The following DORIP1 variants were observed in gnomAD, a reference collection of about 807,000 sequenced individuals.
The protein encoded by DORIP1 is dopamine receptor interacting protein 1, also known as dopamine receptor-interacting protein 1.
the DORIP1 span, among the ~76,000 whole-genome samples, chr14:44,898,234 C>G: frequency 6.6e-6 from 1 of 152,234 alleles, no homozygotes; most frequent in East Asian, 1.9e-4. Flanking sequence ...CCCCACCCCT[C>G]ATTTTTATTG....
At chr14:44,902,497 T>C in the DORIP1 span, among the ~76,000 whole-genome samples, 1 of 151,888 alleles carries the variant, frequency 6.6e-6, no homozygotes, top group Non-Finnish European at 1.5e-5. Flanking sequence ...CCCGGCTAAT[T>C]TTTGTATTTT....
the DORIP1 span, among the ~76,000 whole-genome samples, chr14:44,901,437 C>T: frequency 6.6e-6 from 1 of 152,182 alleles, no homozygotes; most frequent in Non-Finnish European, 1.5e-5. Flanking sequence ...TTCTGCAGGT[C>T]CCCTGAAAAC....
At chr14:44,902,984 T>G in the DORIP1 span, among the ~76,000 whole-genome samples, 1 of 152,186 alleles carries the variant, frequency 6.6e-6, no homozygotes, top group Non-Finnish European at 1.5e-5. Flanking sequence ...ACTGGATATA[T>G]CAGGATTGTT....
At chr14:44,904,354 G>C in the DORIP1 span, 1 of 1,580,334 alleles carries the variant, frequency 6.3e-7, no homozygotes, top group Admixed American at 1.9e-5. Flanking sequence ...AGCCAGCTTT[G>C]TCCCAAGTGT....
chr14:44,902,156 T>C, the DORIP1 span, among the ~76,000 whole-genome samples: 1 of 152,112 alleles, frequency 6.6e-6, no homozygotes, highest in East Asian at 1.9e-4. Flanking sequence ...TATCAATCAA[T>C]GGAAATAATT....
the DORIP1 span, chr14:44,907,070 A>G: frequency 6.6e-6 from 1 of 152,656 alleles, no homozygotes; most frequent in East Asian, 1.9e-4. Context: ...AAATGGTGTC[A>G]TTAACAAAAT....
At chr14:44,905,744 A>C in the DORIP1 span, 1 of 356,580 alleles carries the variant, frequency 2.8e-6, no homozygotes, top group South Asian at 1.4e-4. Context: ...ATTTTTTTAT[A>C]TTTCCTGAGT....
chr14:44,898,321 C>T, the DORIP1 span, among the ~76,000 whole-genome samples: 1 of 152,112 alleles, frequency 6.6e-6, no homozygotes, highest in Non-Finnish European at 1.5e-5. Flanking sequence ...TCCCTCCTCC[C>T]GTTTTTTCCA....
the DORIP1 span, chr14:44,903,980 CATAAT>C: frequency 1.0e-6 from 1 of 978,134 alleles, no homozygotes; most frequent in Non-Finnish European, 1.2e-6. Context: ...CTTAATACCT[CATAAT>C]ATGAGGAAAC....
chr14:44,900,074 C>T, the DORIP1 span, among the ~76,000 whole-genome samples: 2 of 152,060 alleles, frequency 1.3e-5, no homozygotes, highest in African/African-American at 4.8e-5. Flanking sequence ...CAGGTGATCG[C>T]CCGCCTCAGC....
chr14:44,900,804 T>C, the DORIP1 span: 1 of 1,614,124 alleles, frequency 6.2e-7, no homozygotes, highest in South Asian at 1.1e-5. Flanking sequence ...CTGAAGTCCA[T>C]AAAGCTTCAT....
At chr14:44,900,951 TAATATA>T in the DORIP1 span, 2 of 1,566,170 alleles carry the variant, frequency 1.3e-6, no homozygotes, top group East Asian at 2.2e-5. Flanking sequence ...AGCGCACAAT[TAATATA>T]AAGTAAGTTG....
chr14:44,904,497 T>C, the DORIP1 span: 1 of 1,610,986 alleles, frequency 6.2e-7, no homozygotes. Context: ...ATCTGGCGTA[T>C]GTACCCTATT....
chr14:44,903,895 A>T, the DORIP1 span: 1 of 983,132 alleles, frequency 1.0e-6, no homozygotes, highest in Non-Finnish European at 1.2e-6. Context: ...TGTTAACCAG[A>T]ATACTGTACC....
chr14:44,899,775 T>C, the DORIP1 span, among the ~76,000 whole-genome samples: 2 of 151,568 alleles, frequency 1.3e-5, no homozygotes, highest in East Asian at 1.9e-4. Flanking sequence ...ACATTAGGAA[T>C]ATGCCTAACC....
At chr14:44,905,419 G>T in the DORIP1 span, 1 of 1,565,422 alleles carries the variant, frequency 6.4e-7, no homozygotes, top group Non-Finnish European at 8.7e-7. Context: ...TCATTATTCT[G>T]CAGCTTTCCA....
the DORIP1 span, chr14:44,900,922 C>G: frequency 6.2e-7 from 1 of 1,607,696 alleles, no homozygotes. Flanking sequence ...ATGCCCAACT[C>G]GAGTGCAGGA....
chr14:44,900,023 G>C, the DORIP1 span, among the ~76,000 whole-genome samples: 8 of 151,966 alleles, frequency 5.3e-5, no homozygotes, highest in East Asian at 1.4e-3. Flanking sequence ...TAGAGAGAGG[G>C]TTTCTCCATG....
chr14:44,901,086 T>C, the DORIP1 span: 1 of 877,044 alleles, frequency 1.1e-6, no homozygotes, highest in South Asian at 1.9e-5. Context: ...TGCTGGTTTG[T>C]AGGATACTGT....
Sources: gnomAD v4.1 joint callset for allele counts (sites outside exome capture counted in the v4.1 genomes callset) on GRCh38, gnomAD v4.1.1 for gene constraint, MANE v1.5 for transcripts, NCBI Gene and HGNC (gene_info 2026-07-23, HGNC 2026-07-21) for gene names.